Variants in KCNIP1 observed in about 807,000 individuals in gnomAD.
The protein encoded by KCNIP1 is potassium voltage-gated channel interacting protein 1, also known as A-type potassium channel modulatory protein KCNIP1.
KCNIP1 carries 18 observed loss-of-function variants against 33.0 expected under a neutral mutation model. The ratio of observed to expected loss-of-function variants is 0.55; its 90% CI spans 0.38 to 0.81. The LOEUF is 0.81. Among genes scored for constraint, KCNIP1 ranks in the 30% least tolerant of loss-of-function variants. The pLI, the probability that KCNIP1 is intolerant of heterozygous loss-of-function variation, is 0.00. For missense variants in KCNIP1, 238 were observed against 271.6 expected (o/e 0.88, Z 0.87); for synonymous variants, 93 against 98.3 (o/e 0.95, Z 0.32).
chr5:170,578,212 A>G (rs1430807946), intron 1 of KCNIP1, among the ~76,000 whole-genome samples: 1 of 152,246 alleles, frequency 6.6e-6, no homozygotes, highest in Non-Finnish European at 1.5e-5. Context: ...GGAATCTAGT[A>G]GACAGTAGCA....
At chr5:170,398,269 G>A (rs1321663503) in intron 1 of KCNIP1, among the ~76,000 whole-genome samples, 1 of 152,168 alleles carries the variant, frequency 6.6e-6, no homozygotes, top group Admixed American at 6.5e-5. Flanking sequence ...TTTATTTTTG[G>A]TTTACGAATG....
intron 1 of KCNIP1, among the ~76,000 whole-genome samples, chr5:170,550,709 C>T (rs755454020): frequency 4.7e-5 from 7 of 149,352 alleles, no homozygotes; most frequent in African/African-American, 9.9e-5. Context: ...ATGATGGTAA[C>T]AGTGATGATG....
At chr5:170,405,517 C>T (rs2660655) in intron 1 of KCNIP1, among the ~76,000 whole-genome samples, 39,819 of 152,022 alleles carry the variant, frequency 0.26, 5,606 homozygotes, top group African/African-American at 0.37. Context: ...AAGAGGGATT[C>T]TCAGCAGCAG....
rs191155551 is a variant in KCNIP1 at position 170,471,989 on chromosome 5, C to T, written c.88+118025C>T. Among the ~76,000 whole-genome samples the T allele has an allele frequency of 1.3e-3, 197 of 152,294 alleles. 1 individual carries two copies. The highest frequency in any genetic ancestry group is 6.8e-3 in the Middle Eastern group (2 of 294). On this transcript the variant is annotated intron_variant, in intron 1 of 7. Transcript: ENST00000377360. Reference sequence around the variant, plus strand: ...AGGCTATGGGGTGGAAGTGTCAGAGCCTTTTCTGGCCTCCTGCAGGAGCTG... The same window carrying T: ...AGGCTATGGGGTGGAAGTGTCAGAGTCTTTTCTGGCCTCCTGCAGGAGCTG...
In KCNIP1 at chr5:170,504,455, G is replaced by C; in HGVS notation, c.-118G>C. On this transcript the variant is annotated 5_prime_UTR_variant, in exon 1 of 8. Transcript: ENST00000328939. The surrounding 1 kb of genome is among the most constrained non-coding windows in gnomAD (Gnocchi z 6.0). ...GCTTGCTGAATACCAAGCTGCAGGC[G>C]AGCTGCCGGGCGCTTTTCTCTCCTC... 6.5e-7 allele frequency: 1 copy of C among 1,548,592 alleles called. No individual in the cohort carries two copies. The highest frequency in any genetic ancestry group is 8.7e-7 in the Non-Finnish European group (1 of 1,155,940).
At chr5:170,649,072 ATACC>A (rs1348602613) in intron 1 of KCNIP1, among the ~76,000 whole-genome samples, 1 of 152,216 alleles carries the variant, frequency 6.6e-6, no homozygotes, top group Admixed American at 6.5e-5. Context: ...GAAAATTGGT[ATACC>A]TACTTTGTAA....
chr5:170,482,090 A>T (rs889523240), intron 1 of KCNIP1, among the ~76,000 whole-genome samples: 7 of 152,226 alleles, frequency 4.6e-5, no homozygotes, highest in Non-Finnish European at 8.8e-5. Flanking sequence ...GTCTTAAACC[A>T]AGCCAGCCAT....
At position 170,367,362 on chromosome 5, in the gene KCNIP1, A is replaced by AAAGG. The variant is rs1303836710; in HGVS notation, c.88+13401_88+13402insGAAG. On this transcript the variant is annotated intron_variant, in intron 1 of 7. Transcript: ENST00000377360. Reference sequence around the variant, plus strand: ...AAGAAGGAAAGAAAAAGAAAGAAAGAAAGAAAGAAAGAAAGAAAGAAAGAA... The same window carrying AAAGG: ...AAGAAGGAAAGAAAAAGAAAGAAAGAAAGGAAGAAAGAAAGAAAGAAAGAAAGAA... Among the ~76,000 whole-genome samples, 204 of 87,070 alleles carry AAAGG rather than the reference A, an allele frequency of 2.3e-3. 3 individuals carry two copies. The highest frequency in any genetic ancestry group is 3.9e-3 in the Non-Finnish European group (165 of 42,656). The allele number at this position is 87,070 out of a possible 152,430, so 57.1% of individuals were successfully genotyped here. A position where few individuals can be genotyped will look rare whatever the true frequency, so the allele number is the denominator to read the frequency against.
intron 1 of KCNIP1, among the ~76,000 whole-genome samples, chr5:170,517,724 G>A (rs1265028574): frequency 2.7e-5 from 4 of 149,648 alleles, no homozygotes; most frequent in Admixed American, 6.6e-5. Flanking sequence ...TAGTGATGGT[G>A]GTGATTATGG....
chr5:170,414,218 C>T (rs1435120026), intron 1 of KCNIP1, among the ~76,000 whole-genome samples: 1 of 152,254 alleles, frequency 6.6e-6, no homozygotes, highest in East Asian at 1.9e-4. Flanking sequence ...CTAAGGTACC[C>T]TCTGCTGTGA....
chr5:170,394,660 C>T (rs977063577), intron 1 of KCNIP1, among the ~76,000 whole-genome samples: 3 of 152,054 alleles, frequency 2.0e-5, no homozygotes, highest in South Asian at 2.1e-4. Context: ...GGGTGTAATG[C>T]GTGATGCTGA....
intron 1 of KCNIP1, among the ~76,000 whole-genome samples, chr5:170,634,495 A>G (rs1317580882): frequency 1.3e-5 from 2 of 152,262 alleles, no homozygotes; most frequent in African/African-American, 4.8e-5. Context: ...GCACCAAAGT[A>G]GGCAACTGGA....
At chr5:170,380,938 C>G (rs893812795) in intron 1 of KCNIP1, among the ~76,000 whole-genome samples, 1 of 152,174 alleles carries the variant, frequency 6.6e-6, no homozygotes, top group Non-Finnish European at 1.5e-5. Flanking sequence ...ATGTAAAGCA[C>G]TGAGCACAGA....
intron 1 of KCNIP1, among the ~76,000 whole-genome samples, chr5:170,647,553 GAAC>G (rs1760833760): frequency 6.7e-6 from 1 of 150,124 alleles, no homozygotes; most frequent in Admixed American, 6.6e-5. Context: ...AACAGTGCTA[GAAC>G]AACTGGCCAT....
intron 1 of KCNIP1, among the ~76,000 whole-genome samples, chr5:170,654,301 T>C (rs1761173233): frequency 6.6e-6 from 1 of 152,204 alleles, no homozygotes; most frequent in Non-Finnish European, 1.5e-5. Context: ...CCAGGCACTG[T>C]GCTTCAGGGC....
chr5:170,695,765 A>C (rs567857835), intron 1 of KCNIP1, among the ~76,000 whole-genome samples: 1 of 152,308 alleles, frequency 6.6e-6, no homozygotes, highest in African/African-American at 2.4e-5. Flanking sequence ...TCACGCCTGT[A>C]ATCCCAGCAC....
intron 1 of KCNIP1, among the ~76,000 whole-genome samples, chr5:170,522,347 C>T (rs993589603): frequency 7.9e-5 from 12 of 152,206 alleles, no homozygotes; most frequent in South Asian, 4.1e-4. Flanking sequence ...ACCAGCATCC[C>T]GATGAGTCTG....
At chr5:170,427,516 G>A (rs1377169030) in intron 1 of KCNIP1, among the ~76,000 whole-genome samples, 1 of 152,152 alleles carries the variant, frequency 6.6e-6, no homozygotes, top group African/African-American at 2.4e-5. Flanking sequence ...TAAGTGGTAG[G>A]ACTAGGCCCT....
At chr5:170,630,447 C>T (rs568275391) in intron 1 of KCNIP1, among the ~76,000 whole-genome samples, 1 of 152,280 alleles carries the variant, frequency 6.6e-6, no homozygotes, top group African/African-American at 2.4e-5. Flanking sequence ...TCCAAAAAGG[C>T]AGCATTTGGG....
Sources: allele counts gnomAD v4.1 joint callset (sites outside exome capture counted in the v4.1 genomes callset), GRCh38; gene constraint gnomAD v4.1.1; non-coding constraint Gnocchi (gnomAD v3.1); transcripts MANE v1.5; gene names NCBI Gene and HGNC (gene_info 2026-07-23, HGNC 2026-07-21).